Variants in USP36 observed in about 807,000 individuals in gnomAD.
USP36 encodes ubiquitin specific peptidase 36, also known as ubiquitin carboxyl-terminal hydrolase 36.
In USP36, 59 loss-of-function variants were observed where a neutral mutation model predicts 111.5. The observed-to-expected ratio is 0.53, with a 90% CI of 0.43 to 0.66. The LOEUF is 0.66. Among genes scored for constraint, USP36 ranks in the 30% least tolerant of loss-of-function variants. The probability of loss-of-function intolerance (pLI) is 0.00; values close to 1 mark genes in which losing one functional copy is unlikely to be tolerated. For synonymous variants in USP36, 628 were observed against 581.0 expected, an observed-to-expected ratio of 1.08 and a Z score of -1.16; for missense variants, 1,488 against 1,468.0, an observed-to-expected ratio of 1.01 and a Z score of -0.22.
intron 7 of USP36, 160 bp from the exon 8 acceptor site, chr17:78,821,221 T>C: frequency 1.6e-6 from 1 of 626,842 alleles, no homozygotes; most frequent in African/African-American, 1.9e-5. Flanking sequence ...AACAGAGAGC[T>C]CTCTTTCACC....
chr17:78,813,261 G>C (rs941473877), intron 12 of USP36, among the ~76,000 whole-genome samples: 7 of 109,422 alleles, frequency 6.4e-5, no homozygotes, highest in African/African-American at 2.2e-4. Flanking sequence ...CAATGCACCA[G>C]AAAGCAAGAA....
intron 13 of USP36, among the ~76,000 whole-genome samples, chr17:78,810,029 TAG>T (rs1216746871): frequency 6.6e-6 from 1 of 152,168 alleles, no homozygotes; most frequent in Non-Finnish European, 1.5e-5. Context: ...GTATTTTTAG[TAG>T]AGACAGGGTC....
chr17:78,835,391 C>A lies in USP36; in HGVS notation c.364G>T (p.Ala122Ser), dbSNP rs145909229. ...GTGTTGCCAAGGTTGTGGAGTCCTG[C>A]GCCCACGCGGAAGACCCGCTCCCAC... Reference protein sequence around the residue: ...LRWERVFRVGAGLHNLGNTCF... With the variant: ...LRWERVFRVGSGLHNLGNTCF... Residue 122 changes from alanine (A) to serine (S), a missense_variant, in exon 4 of 21, where the codon GCA (alanine) becomes TCA (serine). Ala to Ser is a moderately conservative substitution (Grantham distance 99). Around this residue, in one of 3 missense-constraint regions of USP36, gnomAD observed 219 missense variants for 209.5 expected, o/e 1.05. Transcript: ENST00000449938. The A allele has an allele frequency of 8.1e-6, 13 of 1,614,112 alleles. No individual in the cohort carries two copies. The African/African-American group carries it at 1.7e-4, about 22-fold the overall frequency.
chr17:78,813,776 AGAT>A lies in USP36; in HGVS notation c.1259_1261del (p.Tyr420del). ...GGGGAGGGCGTGAGTTTATTACCGC[AGAT>A]AGAACAGCACGTAGGCCTGCTGGTT... On this transcript the variant is annotated inframe_deletion, in exon 12 of 21. Coordinates refer to ENST00000449938, the MANE Select transcript of USP36 (RefSeq NM_001385174.1). 1 of 1,613,964 alleles carries A rather than the reference AGAT, an allele frequency of 6.2e-7. No individual in the cohort carries two copies. The highest frequency in any genetic ancestry group is 8.5e-7 in the Non-Finnish European group (1 of 1,179,872).
chr17:78,800,615 A>G (rs1182045303), intron 17 of USP36, among the ~76,000 whole-genome samples: 1 of 152,024 alleles, frequency 6.6e-6, no homozygotes, highest in Non-Finnish European at 1.5e-5. Flanking sequence ...CATCTCATCC[A>G]CACAGCCCAG....
intron 14 of USP36, 78 bp from the exon 15 acceptor site, chr17:78,806,364 A>G: frequency 6.4e-7 from 1 of 1,573,650 alleles, no homozygotes; most frequent in African/African-American, 1.4e-5. Flanking sequence ...CAAAAGTAAC[A>G]AAAAATGAAA....
chr17:78,806,946 C>A lies in USP36; in HGVS notation c.2085+13G>T. The A allele has an allele frequency of 6.2e-7, 1 of 1,612,998 alleles. No individual in the cohort carries two copies. The highest frequency in any genetic ancestry group is 8.5e-7 in the Non-Finnish European group (1 of 1,179,248). On this transcript the variant is annotated intron_variant, in intron 14 of 20. Coordinates refer to ENST00000449938, the MANE Select transcript of USP36 (RefSeq NM_001385174.1). ...CCTGATACACAGCAGCGGCGAGACC[C>A]CCACACACCCACCTTCTTGGCAGAA...
intron 4 of USP36, among the ~76,000 whole-genome samples, chr17:78,829,696 G>A (rs2067903307): frequency 6.6e-6 from 1 of 152,170 alleles, no homozygotes; most frequent in Non-Finnish European, 1.5e-5. Flanking sequence ...AGATGAGTCT[G>A]CCCACCCCTG....
In USP36 at chr17:78,821,006, G is replaced by C; in HGVS notation, c.813C>G (p.Val271=). Residue 271 remains valine, a synonymous_variant, in exon 8 of 21, where the codon GTC becomes GTG. Transcript: ENST00000449938. Reference sequence around the variant, plus strand: ...AGATCTGTACCCGGATCTCCAGCGCGACGTCCAAGTAGGGGTCGTAGGTGT... The same window carrying C: ...AGATCTGTACCCGGATCTCCAGCGCCACGTCCAAGTAGGGGTCGTAGGTGT... ...VSDTYDPYLD[V]ALEIRQAANI... 1 of 1,609,150 alleles carries C rather than the reference G, an allele frequency of 6.2e-7. No individual in the cohort carries two copies. Among genetic ancestry groups the C allele is most frequent in the South Asian group, 1.1e-5 (1 of 90,060 alleles).
rs181734276 is a variant in USP36 at position 78,802,951 on chromosome 17, T to G, written c.2811-416A>C. On this transcript the variant is annotated intron_variant, in intron 16 of 20. Coordinates refer to ENST00000449938, the MANE Select transcript of USP36 (RefSeq NM_001385174.1). ...CAGAGGAGATATTTTTTCTTTTTTC[T>G]TTTTTTTTAGACAGGGTTTAGCTGT... Among the ~76,000 whole-genome samples the G allele has an allele frequency of 3.2e-3, 478 of 151,320 alleles. 7 individuals carry two copies. The highest frequency in any genetic ancestry group is 4.2e-3 in the Non-Finnish European group (283 of 67,740).
In USP36 at chr17:78,803,777, C is replaced by T. The variant is rs756853239; in HGVS notation, c.2418G>A (p.Gln806=). Residue 806 remains glutamine (Q), a synonymous_variant, in exon 16 of 21, where the codon CAG becomes CAA. Coordinates refer to ENST00000449938, the MANE Select transcript of USP36 (RefSeq NM_001385174.1). The surrounding 1 kb of genome is among the most constrained non-coding windows in gnomAD (Gnocchi z 4.6). ...TCTTTTTCCTCTTCTCAGAGGGGCT[C>T]TGGGGGGGCTCACTGGCCTCTGGCA... is the stretch of plus-strand genomic sequence containing the variant. The part of the protein sequence containing the change: ...HQLPEASEPP[Q]SPSEKRKKTF... 27 of 1,612,558 alleles carry T rather than the reference C, an allele frequency of 1.7e-5. No individual in the cohort carries two copies. Among genetic ancestry groups the T allele is most frequent in the Non-Finnish European group, 3.4e-6 (4 of 1,179,964 alleles).
In USP36 at chr17:78,803,378, C is replaced by T. The variant is rs1425442919; in HGVS notation, c.2810+7G>A. On this transcript the variant is annotated splice_region_variant and intron_variant, in intron 16 of 20. Coordinates refer to ENST00000449938, the MANE Select transcript of USP36 (RefSeq NM_001385174.1). The surrounding 1 kb of genome is among the most constrained non-coding windows in gnomAD (Gnocchi z 4.6). ...GTAGACAGATGCCACTTTGCTCCTG[C>T]CCTTACCTGTGCCGAAGTGGGTCCT... The T allele has an allele frequency of 6.2e-7, 1 of 1,610,946 alleles. No individual in the cohort carries two copies. Among genetic ancestry groups the T allele is most frequent in the African/African-American group, 1.3e-5 (1 of 74,910 alleles).
intron 3 of USP36, among the ~76,000 whole-genome samples, chr17:78,789,764 C>A (rs1423637032): frequency 6.6e-6 from 1 of 152,218 alleles, no homozygotes; most frequent in African/African-American, 2.4e-5. Flanking sequence ...TGGGCGTTCA[C>A]TTCAAATAGA....
intron 17 of USP36, among the ~76,000 whole-genome samples, chr17:78,801,831 A>C (rs1447481308): frequency 6.6e-6 from 1 of 152,252 alleles, no homozygotes; most frequent in African/African-American, 2.4e-5. Context: ...CGGAAGACCC[A>C]CTGGCATTCA....
intron 14 of USP36, among the ~76,000 whole-genome samples, chr17:78,806,598 T>A (rs898018171): frequency 1.3e-5 from 2 of 152,196 alleles, no homozygotes; most frequent in Admixed American, 6.5e-5. Flanking sequence ...CCACTGGGGC[T>A]CTGCGCTTCC....
chr17:78,788,117 G>A (rs1303627617), intron 3 of USP36, among the ~76,000 whole-genome samples: 1 of 152,084 alleles, frequency 6.6e-6, no homozygotes, highest in Non-Finnish European at 1.5e-5. Context: ...GCGAGTACAT[G>A]AAGCTCTGCA....
Position 78,798,247 on chromosome 17 carries a change from C to G in USP36, c.*20+153G>C. On this transcript the variant is annotated intron_variant, in intron 20 of 20. Coordinates refer to ENST00000449938, the MANE Select transcript of USP36 (RefSeq NM_001385174.1). The surrounding 1 kb of genome is among the most constrained non-coding windows in gnomAD (Gnocchi z 5.1). Reference sequence around the variant, plus strand: ...AAGTGACTAGGACACACACCACAGACGCGCCCACACCACACACACCACCCA... The same window carrying G: ...AAGTGACTAGGACACACACCACAGAGGCGCCCACACCACACACACCACCCA... 1.0e-6 allele frequency: 1 copy of G among 981,644 alleles called. No homozygotes were observed. The highest frequency in any genetic ancestry group is 3.3e-4 in the Middle Eastern group (1 of 3,022). 60.8% of individuals were successfully genotyped at this position (981,644 alleles called of 1,614,324 possible). A position where few individuals can be genotyped will look rare whatever the true frequency, so the allele number is the denominator to read the frequency against.
In USP36 at chr17:78,803,671, C is replaced by G. The variant is rs773278219; in HGVS notation, c.2524G>C (p.Gly842Arg). ...HIREATAAPH[G>R]KRKRKKKKRP... ...TTCTTCTTCTTCCTCTTCCTCTTCC[C>G]GTGGGGAGCCGCAGTGGCCTCCCTG... Residue 842 changes from glycine to arginine, a missense_variant, in exon 16 of 21, where the codon GGG becomes CGG. Physicochemically the swap from Gly to Arg is moderately radical, Grantham distance 125 (BLOSUM62 -2). Transcript: ENST00000449938. The surrounding 1 kb of genome is among the most constrained non-coding windows in gnomAD (Gnocchi z 4.6). 6.2e-7 allele frequency: 1 copy of G among 1,609,536 alleles called. No individual in the cohort carries two copies. The highest frequency in any genetic ancestry group is 1.3e-5 in the African/African-American group (1 of 74,772).
chr17:78,789,507 A>T (rs2093564661), intron 3 of USP36, among the ~76,000 whole-genome samples: 2 of 152,134 alleles, frequency 1.3e-5, no homozygotes, highest in South Asian at 4.2e-4. Context: ...CCTTGCAGAG[A>T]GGGTGGAGCC....
Sources: gnomAD v4.1 joint callset for allele counts (sites outside exome capture counted in the v4.1 genomes callset) on GRCh38, gnomAD v4.1.1 for gene constraint, gnomAD v4.1.1 regional missense constraint, Gnocchi (gnomAD v3.1) non-coding constraint, MANE v1.5 for transcripts, NCBI Gene and HGNC (gene_info 2026-07-23, HGNC 2026-07-21) for gene names.